The following IL15 variants were observed in gnomAD, a reference collection of about 807,000 sequenced individuals.
IL15 encodes interleukin-15.
A neutral mutation model predicts 19.6 loss-of-function variants in IL15; 11 were observed. The ratio of observed to expected loss-of-function variants is 0.56; its 90% CI spans 0.35 to 0.93. IL15 has a LOEUF of 0.93. Ranked by LOEUF, IL15 falls within the 40% of genes least tolerant of loss-of-function variation. The probability of loss-of-function intolerance (pLI) is 0.01; values close to 1 mark genes in which losing one functional copy is unlikely to be tolerated. For missense variants in IL15, 197 were observed against 186.5 expected, an observed-to-expected ratio of 1.06 and a Z score of -0.33; for synonymous variants, 58 against 59.6, an observed-to-expected ratio of 0.97 and a Z score of 0.12.
chr4:141,661,508 T>G (rs1035342468), intron 2 of IL15, among the ~76,000 whole-genome samples: 12 of 152,140 alleles, frequency 7.9e-5, no homozygotes, highest in African/African-American at 2.9e-4. Flanking sequence ...CCTCGTAAGA[T>G]CCAATGGACT....
At chr4:141,685,132 A>T (rs924357824) in intron 2 of IL15, among the ~76,000 whole-genome samples, 2 of 152,198 alleles carry the variant, frequency 1.3e-5, no homozygotes, top group African/African-American at 4.8e-5. Context: ...ACTATAGGAG[A>T]TACATAGACA....
intron 1 of IL15, 37 bp downstream of exon 1, chr4:141,636,785 G>A (rs1726868894): frequency 6.6e-6 from 1 of 152,332 alleles, no homozygotes; most frequent in African/African-American, 2.4e-5. Flanking sequence ...GGAGGGGAGT[G>A]GTGGTGGTTG....
intron 2 of IL15, chr4:141,689,152 T>A (rs1046679584): frequency 2.0e-5 from 3 of 153,574 alleles, no homozygotes; most frequent in Admixed American, 6.5e-5. Context: ...GTGTTACAGC[T>A]CATAAAAGCA....
chr4:141,649,773 T>C (rs1354701921), intron 1 of IL15, among the ~76,000 whole-genome samples: 1 of 152,030 alleles, frequency 6.6e-6, no homozygotes, highest in African/African-American at 2.4e-5. Context: ...TATTTGAGGA[T>C]TGTCTGGATG....
chr4:141,696,071 TCA>T (rs1458324994), intron 2 of IL15, among the ~76,000 whole-genome samples: 1 of 152,160 alleles, frequency 6.6e-6, no homozygotes, highest in African/African-American at 2.4e-5. Context: ...TCTGGTAGTT[TCA>T]CAGTTTTAGG....
At chr4:141,665,841 G>A (rs1474694172) in intron 2 of IL15, among the ~76,000 whole-genome samples, 1 of 151,972 alleles carries the variant, frequency 6.6e-6, no homozygotes. Flanking sequence ...TTTGGTTTCT[G>A]TCCATGGTTT....
At chr4:141,663,706 C>G (rs1727869207) in intron 2 of IL15, among the ~76,000 whole-genome samples, 1 of 152,116 alleles carries the variant, frequency 6.6e-6, no homozygotes. Flanking sequence ...TTTTGGCCAA[C>G]TGTTACATGG....
At chr4:141,641,681 G>A (rs1175643055) in intron 1 of IL15, among the ~76,000 whole-genome samples, 2 of 139,566 alleles carry the variant, frequency 1.4e-5, no homozygotes, top group Non-Finnish European at 3.1e-5. Flanking sequence ...TCACACACCG[G>A]GGCCTGTCAT....
chr4:141,661,228 G>A (rs1560906297), intron 2 of IL15, among the ~76,000 whole-genome samples: 1 of 152,190 alleles, frequency 6.6e-6, no homozygotes, highest in Non-Finnish European at 1.5e-5. Context: ...GAGTGTGGAG[G>A]AGCCACAGAG....
At chr4:141,686,706 T>G (rs1296959123) in intron 2 of IL15, among the ~76,000 whole-genome samples, 3 of 152,200 alleles carry the variant, frequency 2.0e-5, no homozygotes, top group Non-Finnish European at 4.4e-5. Context: ...TTTAAGAAAA[T>G]GAATTTCAAA....
At chr4:141,641,612 G>A (rs981460802) in intron 1 of IL15, among the ~76,000 whole-genome samples, 1 of 146,608 alleles carries the variant, frequency 6.8e-6, no homozygotes, top group African/African-American at 2.5e-5. Context: ...AACACCGCAT[G>A]TTCTCACTCA....
chr4:141,679,080 C>T (rs1350582945), intron 2 of IL15, among the ~76,000 whole-genome samples: 1 of 152,138 alleles, frequency 6.6e-6, no homozygotes, highest in Non-Finnish European at 1.5e-5. Flanking sequence ...CCAGAGACAG[C>T]CTCCCAGATT....
chr4:141,637,498 C>G (rs1056759525), intron 1 of IL15, among the ~76,000 whole-genome samples: 1 of 151,856 alleles, frequency 6.6e-6, no homozygotes, highest in African/African-American at 2.4e-5. Context: ...GGAAAAAATA[C>G]GAGCGAATTT....
intron 2 of IL15, among the ~76,000 whole-genome samples, chr4:141,701,297 T>A (rs1268594830): frequency 1.3e-5 from 2 of 151,954 alleles, no homozygotes; most frequent in Admixed American, 1.3e-4. Flanking sequence ...TTTTTTTTTT[T>A]ATTTTTTCCC....
At chr4:141,647,396 C>T (rs1727261296) in intron 1 of IL15, among the ~76,000 whole-genome samples, 1 of 151,928 alleles carries the variant, frequency 6.6e-6, no homozygotes, top group African/African-American at 2.4e-5. Flanking sequence ...ATTAGAAGTA[C>T]TGGATTGAAG....
chr4:141,670,447 A>G (rs1728133781), intron 2 of IL15, among the ~76,000 whole-genome samples: 1 of 152,226 alleles, frequency 6.6e-6, no homozygotes, highest in Non-Finnish European at 1.5e-5. Context: ...ACTTCTGTCC[A>G]AATTAACCAA....
At chr4:141,715,664 G>A (rs1729858082) in intron 2 of IL15, 1 of 152,114 alleles carries the variant, frequency 6.6e-6, no homozygotes, top group East Asian at 1.9e-4. Context: ...CAAGGAAAGT[G>A]ATGTTGTCTT....
chr4:141,689,118 T>G (rs1392639816), intron 2 of IL15: 1 of 154,970 alleles, frequency 6.5e-6, no homozygotes, highest in African/African-American at 2.4e-5. Flanking sequence ...GCTTCAGGAG[T>G]GAAGCTGCAG....
chr4:141,705,929 A>G (rs539615428), intron 2 of IL15, among the ~76,000 whole-genome samples: 1 of 151,858 alleles, frequency 6.6e-6, no homozygotes, highest in Non-Finnish European at 1.5e-5. Context: ...TGCATGGAAT[A>G]TCTTCTTCTA....
Sources: allele counts gnomAD v4.1 joint callset (sites outside exome capture counted in the v4.1 genomes callset), GRCh38; gene constraint gnomAD v4.1.1; transcripts MANE v1.5; gene names NCBI Gene and HGNC (gene_info 2026-07-23, HGNC 2026-07-21).